The following MAP4K2 variants were observed in gnomAD, a reference collection of about 807,000 sequenced individuals.
MAP4K2 encodes the protein B lymphocyte serine/threonine protein kinase.
MAP4K2 carries 85 observed loss-of-function variants against 125.3 expected under a neutral mutation model. The observed-to-expected ratio is 0.68, with a 90% CI of 0.57 to 0.81. MAP4K2 has a LOEUF of 0.81. Among genes scored for constraint, MAP4K2 ranks in the 40% least tolerant of loss-of-function variants. MAP4K2 has a pLI of 0.00. For synonymous variants in MAP4K2, 479 were observed against 445.1 expected, an observed-to-expected ratio of 1.08 and a Z score of -0.96; for missense variants, 923 against 1,056.4, an observed-to-expected ratio of 0.87 and a Z score of 1.75.
chr11:64,796,426 G>A (rs1457884353), intron 23 of MAP4K2, 36 bp from the exon 24 acceptor site: 6 of 1,613,530 alleles, frequency 3.7e-6, no homozygotes, highest in Non-Finnish European at 5.1e-6. Flanking sequence ...CTGGGGTGTT[G>A]GTGGGCAGGA....
chr11:64,801,798 C>G lies in MAP4K2; in HGVS notation c.367-41G>C, dbSNP rs144934673. On this transcript the variant is annotated intron_variant, in intron 5 of 31. Transcript: ENST00000294066. Reference sequence around the variant, plus strand: ...AGTCCCTGAGAGCAGCCACCCAGCACTGTCCCACCTCCCCAAACCCCCTCT... The same window carrying G: ...AGTCCCTGAGAGCAGCCACCCAGCAGTGTCCCACCTCCCCAAACCCCCTCT... The G allele has an allele frequency of 3.6e-4, 580 of 1,604,648 alleles. 1 individual carries two copies. In the African/African-American group the frequency reaches 5.9e-3, roughly 16 times the overall value.
At chr11:64,801,928 G>T in intron 5 of MAP4K2, 138 bp downstream of exon 5, 1 of 1,151,200 alleles carries the variant, frequency 8.7e-7, no homozygotes, top group South Asian at 1.5e-5. Context: ...CAGGGCTGGG[G>T]CCCCTTTTCC....
In MAP4K2 at chr11:64,797,609, A is replaced by G; in HGVS notation, c.1136+17T>C. 1 of 1,579,010 alleles carries G rather than the reference A, an allele frequency of 6.3e-7. No individual in the cohort carries two copies. On this transcript the variant is annotated intron_variant, in intron 16 of 31. Coordinates refer to ENST00000294066, the MANE Select transcript of MAP4K2 (RefSeq NM_004579.5). ...GCCACCTGCCCCTTGCCCCTCCCCC[A>G]GGCCCACATCCCTCACCTTTCCTCC...
intron 19 of MAP4K2, 33 bp downstream of exon 19, chr11:64,797,071 C>CCGTCT: frequency 6.2e-7 from 1 of 1,614,092 alleles, no homozygotes; most frequent in Middle Eastern, 1.6e-4. Context: ...CTGTAGCCGC[C>CCGTCT]CGTCTCCCCA....
chr11:64,801,524 T>A, intron 7 of MAP4K2, 55 bp downstream of exon 7: 1 of 1,601,002 alleles, frequency 6.2e-7, no homozygotes, highest in Non-Finnish European at 8.5e-7. Context: ...GAGTCCAGGG[T>A]AGCCGGGGAG....
chr11:64,790,774 C>T (rs1940429271), intron 27 of MAP4K2, among the ~76,000 whole-genome samples: 4 of 152,308 alleles, frequency 2.6e-5, no homozygotes, highest in Admixed American at 6.5e-5. Context: ...CTTTACCTCT[C>T]GGAGCCTCTG....
Position 64,795,561 on chromosome 11 carries a change from C to T in MAP4K2, c.1751+712G>A, listed in dbSNP as rs191838966. Among the ~76,000 whole-genome samples, 1,056 of 152,162 alleles carry T rather than the reference C, an allele frequency of 6.9e-3. 7 individuals carry two copies. Among genetic ancestry groups the T allele is most frequent in the Middle Eastern group, 0.034 (10 of 292 alleles). ...GACTACAGGCATGTGCCACCACGCC[C>T]GGCTAATTTTTTTTGTATTTTTAGT... On this transcript the variant is annotated intron_variant, in intron 24 of 31. Transcript: ENST00000294066.
intron 1 of MAP4K2, 34 bp downstream of exon 1, chr11:64,803,020 C>A: frequency 6.3e-7 from 1 of 1,589,660 alleles, no homozygotes; most frequent in East Asian, 2.3e-5. Context: ...GGGCTGGCAC[C>A]CTCCTCCCGG....
At position 64,797,681 on chromosome 11, in the gene MAP4K2, A is replaced by G; in HGVS notation, c.1098-17T>C. On this transcript the variant is annotated splice_polypyrimidine_tract_variant and intron_variant, in intron 15 of 31. Coordinates refer to ENST00000294066, the MANE Select transcript of MAP4K2 (RefSeq NM_004579.5). ...AGCAGGCTCCTGGGCAGTGGGGAAA[A>G]GGGGTCAGAGGTCAACCTTTCCTTT... is the stretch of plus-strand genomic sequence containing the variant. The G allele has an allele frequency of 2.7e-6, 4 of 1,465,056 alleles. No homozygotes were observed. Among genetic ancestry groups the G allele is most frequent in the Admixed American group, 2.6e-5 (1 of 37,788 alleles). The allele number at this position is 1,465,056 out of a possible 1,614,324, so 90.8% of individuals were successfully genotyped here. A position where few individuals can be genotyped will look rare whatever the true frequency, so the allele number is the denominator to read the frequency against.
chr11:64,801,292 C>G, intron 7 of MAP4K2, 109 bp from the exon 8 acceptor site: 1 of 1,367,470 alleles, frequency 7.3e-7, no homozygotes, highest in Non-Finnish European at 1.0e-6. Context: ...GGCAGGTGGC[C>G]CCGCTTGGTC....
At chr11:64,802,674 TG>T (rs748794177) in intron 2 of MAP4K2, 21 bp from the exon 3 acceptor site, 1 of 1,608,384 alleles carries the variant, frequency 6.2e-7, no homozygotes, top group Non-Finnish European at 8.5e-7. Context: ...CAAAGCATCA[TG>T]GGGAAGGCGC....
chr11:64,794,747 G>T (rs1940691872), intron 24 of MAP4K2, among the ~76,000 whole-genome samples: 1 of 152,150 alleles, frequency 6.6e-6, no homozygotes, highest in South Asian at 2.1e-4. Flanking sequence ...CCTGCCTGGA[G>T]TGCCATTCCC....
At chr11:64,790,112 C>T (rs965522227) in intron 29 of MAP4K2, 76 bp downstream of exon 29, 79 of 1,571,312 alleles carry the variant, frequency 5.0e-5, no homozygotes, top group East Asian at 6.8e-5. Flanking sequence ...CTCATCCTAC[C>T]GCCAGCCCCA....
chr11:64,792,655 C>G (rs938686355), intron 24 of MAP4K2, among the ~76,000 whole-genome samples: 4 of 152,182 alleles, frequency 2.6e-5, no homozygotes, highest in Admixed American at 1.3e-4. Context: ...GGGTTTGGGT[C>G]TCAGGATTGC....
rs1342322942 is a variant in MAP4K2 at position 64,800,941 on chromosome 11, C to T, written c.621G>A (p.Leu207=). The T allele has an allele frequency of 1.2e-6, 2 of 1,614,046 alleles. No homozygotes were observed. The highest frequency in any genetic ancestry group is 2.2e-5 in the East Asian group (1 of 44,882). Residue 207 remains leucine (L), a synonymous_variant, in exon 9 of 32, where the codon CTG becomes CTA. Transcript: ENST00000294066. ...VWALGITAIE[L]GELQPPLFHL... The stretch of plus-strand genomic sequence containing the variant: ...GGAACAGAGGGGGCTGCAGCTCGCC[C>T]AGCTCAATGGCAGTGATGCCCAGGG...
rs374254798 is a variant in MAP4K2, at chr11:64,790,294, G to C, written c.2162-20C>G. The C allele has an allele frequency of 3.7e-6, 6 of 1,613,988 alleles. No homozygotes were observed. Among genetic ancestry groups the C allele is most frequent in the Non-Finnish European group, 5.1e-6 (6 of 1,179,848 alleles). ...CACAGCCTGCACAGGGAAGGAATTG[G>C]TGAGTGGGGACGGGGAGGCTCCCTT... On this transcript the variant is annotated intron_variant, in intron 28 of 31. Coordinates refer to ENST00000294066, the MANE Select transcript of MAP4K2 (RefSeq NM_004579.5).
chr11:64,789,582 C>T lies in MAP4K2; in HGVS notation c.2418G>A (p.Ala806=), dbSNP rs493573. 1.2e-3 allele frequency: 1,868 copies of T among 1,603,730 alleles called. 26 individuals are homozygous for T. The African/African-American group carries it at 0.022, about 19-fold the overall frequency. Residue 806 remains alanine, a synonymous_variant, in exon 32 of 32, where the codon GCG becomes GCA. Transcript: ENST00000294066. ...CCGTGAGGATGTAGAGGTTGCTGTGCGCCTCTGGGTTGTCAGTGGGAATGC... is the reference window on the plus strand; with the variant it reads ...CCGTGAGGATGTAGAGGTTGCTGTGTGCCTCTGGGTTGTCAGTGGGAATGC... ...LESIPTDNPE[A]HSNLYILTGH...
Position 64,789,039 on chromosome 11 carries a change from G to A in MAP4K2, c.*498C>T, listed in dbSNP as rs1450186967. ...ACCTGGCTTCTCCAAAACCCTGGGGGCCCTGCCCTTCTGTGGTGCCCACAG... is the reference window on the plus strand; with the variant it reads ...ACCTGGCTTCTCCAAAACCCTGGGGACCCTGCCCTTCTGTGGTGCCCACAG... On this transcript the variant is annotated 3_prime_UTR_variant, in exon 32 of 32. Coordinates refer to ENST00000294066, the MANE Select transcript of MAP4K2 (RefSeq NM_004579.5). 6.0e-6 allele frequency: 1 copy of A among 167,120 alleles called. No individual in the cohort carries two copies. The highest frequency in any genetic ancestry group is 2.4e-5 in the African/African-American group (1 of 41,552). 10.4% of individuals were successfully genotyped at this position (167,120 alleles called of 1,614,324 possible).
Position 64,800,787 on chromosome 11 carries a change from G to GGGC in MAP4K2, c.699_701dup (p.Pro234dup). On this transcript the variant is annotated inframe_insertion, in exon 10 of 32. Transcript: ENST00000294066. ...ACCAGCGAGTCTTATCTCTCAGTTT[G>GGGC]GGCGGCTGGAAGCTGCTCTTCGACA... 6.2e-7 allele frequency: 1 copy of GGGC among 1,609,356 alleles called. No homozygotes were observed. The highest frequency in any genetic ancestry group is 8.5e-7 in the Non-Finnish European group (1 of 1,177,922).
Sources: gnomAD v4.1 joint callset for allele counts (sites outside exome capture counted in the v4.1 genomes callset) on GRCh38, gnomAD v4.1.1 for gene constraint, MANE v1.5 for transcripts, NCBI Gene and HGNC (gene_info 2026-07-23, HGNC 2026-07-21) for gene names.